Variants in UPF1 observed in about 807,000 individuals in gnomAD.
The protein encoded by UPF1 is regulator of nonsense transcripts 1.
In UPF1, 9 loss-of-function variants were observed where a neutral mutation model predicts 129.2. The ratio of observed to expected loss-of-function variants is 0.07; its 90% CI spans 0.04 to 0.12. The LOEUF is 0.12. Ranked by LOEUF, UPF1 falls within the 10% of genes least tolerant of loss-of-function variation. The pLI is 1.00. For missense variants in UPF1, 788 were observed against 1,525.3 expected, an observed-to-expected ratio of 0.52 and a Z score of 8.05; for synonymous variants, 649 against 644.9, an observed-to-expected ratio of 1.01 and a Z score of -0.10.
rs2055865309 is a variant in UPF1 at position 18,867,440 on chromosome 19, C to T, written c.*923C>T. Reference sequence around the variant, plus strand: ...GCGAGGGGCCTTGGCCAGGACTGGCCCTGTGGCCAGGAGGCGAGAAGGTGG... The same window carrying T: ...GCGAGGGGCCTTGGCCAGGACTGGCTCTGTGGCCAGGAGGCGAGAAGGTGG... On this transcript the variant is annotated 3_prime_UTR_variant, in exon 24 of 24. Transcript: ENST00000262803. The T allele has an allele frequency of 6.6e-6, 1 of 152,354 alleles. No individual in the cohort carries two copies. The highest frequency in any genetic ancestry group is 2.4e-5 in the African/African-American group (1 of 41,470). The allele number at this position is 152,354 out of a possible 1,614,324, so 9.4% of individuals were successfully genotyped here. A position where few individuals can be genotyped will look rare whatever the true frequency, so the allele number is the denominator to read the frequency against.
At position 18,856,319 on chromosome 19, in the gene UPF1, T is replaced by G; in HGVS notation, c.1824+19T>G. On this transcript the variant is annotated intron_variant, in intron 13 of 23. Coordinates refer to ENST00000262803, the MANE Select transcript of UPF1 (RefSeq NM_002911.4). ...GCTGATGGTGAGTGCCCCTCCTGCCTGCAAAAGGGCCTGTGGGCTGGCGGC... is the reference window on the plus strand; with the variant it reads ...GCTGATGGTGAGTGCCCCTCCTGCCGGCAAAAGGGCCTGTGGGCTGGCGGC... 1 of 1,578,948 alleles carries G rather than the reference T, an allele frequency of 6.3e-7. No homozygotes were observed. Among genetic ancestry groups the G allele is most frequent in the Non-Finnish European group, 8.7e-7 (1 of 1,153,642 alleles).
chr19:18,853,687 C>T lies in UPF1; in HGVS notation c.1156+337C>T, dbSNP rs901093328. 5.9e-5 allele frequency among the ~76,000 whole-genome samples: 9 copies of T among 152,314 alleles called. No homozygotes were observed. The highest frequency in any genetic ancestry group is 1.0e-4 in the Non-Finnish European group (7 of 68,028). On this transcript the variant is annotated intron_variant, in intron 8 of 23. Coordinates refer to ENST00000262803, the MANE Select transcript of UPF1 (RefSeq NM_002911.4). This position sits in a 1 kb window ranked among gnomAD's most constrained non-coding sequence, Gnocchi z 4.4. ...CTGGAGGTTAATGTGGCTGCAGGAG[C>T]GCCTTACCTGGACGCTGACTCTGCA... is the stretch of plus-strand genomic sequence containing the variant.
intron 2 of UPF1, 30 bp from the exon 3 acceptor site, chr19:18,847,714 G>T: frequency 6.2e-7 from 1 of 1,605,024 alleles, no homozygotes; most frequent in Middle Eastern, 1.7e-4. Flanking sequence ...CAAGCTTCCA[G>T]CTGTAACTGT....
Position 18,867,266 on chromosome 19 carries a change from T to G in UPF1, c.*749T>G, listed in dbSNP as rs1266399291. 1 of 152,240 alleles carries G rather than the reference T, an allele frequency of 6.6e-6. No homozygotes were observed. The highest frequency in any genetic ancestry group is 1.5e-5 in the Non-Finnish European group (1 of 68,036). The allele number at this position is 152,240 out of a possible 1,614,324, so 9.4% of individuals were successfully genotyped here. A position where few individuals can be genotyped will look rare whatever the true frequency, so the allele number is the denominator to read the frequency against. The stretch of plus-strand genomic sequence containing the variant: ...GTTGTTGGTTTTAGCTTCCAGTGGC[T>G]TCTTTCTGCGGGGCATCAGGCTGCT... On this transcript the variant is annotated 3_prime_UTR_variant, in exon 24 of 24. Transcript: ENST00000262803.
At chr19:18,861,900 C>T (rs2055784493) in intron 17 of UPF1, 110 bp from the exon 18 acceptor site, 7 of 1,447,700 alleles carry the variant, frequency 4.8e-6, no homozygotes, top group East Asian at 2.4e-5. Flanking sequence ...GGCGCCAGGC[C>T]CCAAGCTCCC....
chr19:18,855,367 C>T, intron 11 of UPF1, 125 bp downstream of exon 11: 1 of 1,023,678 alleles, frequency 9.8e-7, no homozygotes, highest in Admixed American at 2.5e-5. Context: ...GTAGTGTCGC[C>T]ATGGTGCCTA....
Position 18,860,873 on chromosome 19 carries a change from C to T in UPF1, c.2348C>T (p.Ala783Val). Residue 783 changes from alanine to valine, a missense_variant, in exon 17 of 24, where the codon GCA (alanine) becomes GTA (valine). By Grantham distance (64) the Ala-to-Val change is moderately conservative. Around this residue, in one of 6 missense-constraint regions of UPF1, gnomAD observed 140 missense variants for 385.9 expected, o/e 0.36. Transcript: ENST00000262803. ...VEKITTKLLK[A>V]GAKPDQIGII... Reference sequence around the variant, plus strand: ...AAGATCACCACGAAGTTGCTGAAGGCAGGCGCCAAGCCGGACCAGATTGGC... The same window carrying T: ...AAGATCACCACGAAGTTGCTGAAGGTAGGCGCCAAGCCGGACCAGATTGGC... 6.2e-7 allele frequency: 1 copy of T among 1,611,144 alleles called. No homozygotes were observed. Among genetic ancestry groups the T allele is most frequent in the Non-Finnish European group, 8.5e-7 (1 of 1,178,934 alleles).
intron 15 of UPF1, among the ~76,000 whole-genome samples, chr19:18,858,964 G>A (rs990493373): frequency 2.0e-5 from 3 of 152,244 alleles, no homozygotes; most frequent in Admixed American, 1.3e-4. Context: ...CTCCAAACCT[G>A]TGAGGTTGGT....
intron 6 of UPF1, 63 bp from the exon 7 acceptor site, chr19:18,852,924 G>T (rs1453199655): frequency 1.4e-6 from 2 of 1,413,122 alleles, no homozygotes; most frequent in African/African-American, 2.9e-5. Flanking sequence ...CCTCGGGCAT[G>T]TGGAGGCCAG....
At chr19:18,857,126 C>T (rs752077647) in intron 14 of UPF1, 106 bp downstream of exon 14, 84 of 1,528,056 alleles carry the variant, frequency 5.5e-5, no homozygotes, top group Non-Finnish European at 4.3e-5. Flanking sequence ...GCAGAGTGTG[C>T]GCACACTGGG....
At chr19:18,845,920 C>T in intron 1 of UPF1, 60 bp from the exon 2 acceptor site, 2 of 1,591,700 alleles carry the variant, frequency 1.3e-6, no homozygotes, top group African/African-American at 2.7e-5. Context: ...GAGGCTGGTT[C>T]TTCTGCACTG....
At chr19:18,861,893 G>C in intron 17 of UPF1, 117 bp from the exon 18 acceptor site, 1 of 1,395,958 alleles carries the variant, frequency 7.2e-7, no homozygotes, top group Non-Finnish European at 9.6e-7. Flanking sequence ...GTGAGCAGGC[G>C]CCAGGCCCCA....
chr19:18,855,201 G>A lies in UPF1; in HGVS notation c.1503G>A (p.Thr501=), dbSNP rs761195343. 1.2e-5 allele frequency: 19 copies of A among 1,612,958 alleles called. No homozygotes were observed. In the East Asian group the frequency reaches 2.7e-4, roughly 23 times the overall value. The change falls in exon 11 of 24, where the codon ACG becomes ACA. Residue 501 remains threonine (T), a synonymous_variant. Transcript: ENST00000262803. ...QGPPGTGKTV[T]SATIVYHLAR... ...CGCCAGGCACGGGGAAGACGGTGAC[G>A]TCGGCCACCATCGTCTACCACCTGG... is the stretch of plus-strand genomic sequence containing the variant.
At chr19:18,863,265 C>A in intron 18 of UPF1, 173 bp from the exon 19 acceptor site, 1 of 790,624 alleles carries the variant, frequency 1.3e-6, no homozygotes, top group Non-Finnish European at 2.0e-6. Flanking sequence ...GGGTCAGTGG[C>A]TTGGCATTGG....
intron 16 of UPF1, 54 bp from the exon 17 acceptor site, chr19:18,860,772 C>T: frequency 2.5e-6 from 4 of 1,601,974 alleles, no homozygotes; most frequent in South Asian, 1.1e-5. Context: ...CCTCCAGCCT[C>T]AGGGCTCGGG....
At chr19:18,837,059 C>A (rs1006172943) in intron 1 of UPF1, among the ~76,000 whole-genome samples, 1 of 151,958 alleles carries the variant, frequency 6.6e-6, no homozygotes, top group Admixed American at 6.6e-5. Flanking sequence ...GCCTGCCATA[C>A]TTTTTTTAAA....
chr19:18,861,795 T>C (rs2055782718), intron 17 of UPF1, among the ~76,000 whole-genome samples: 1 of 152,186 alleles, frequency 6.6e-6, no homozygotes, highest in Non-Finnish European at 1.5e-5. Flanking sequence ...ACCACTGTAC[T>C]CTAGCCTGGG....
In UPF1 at chr19:18,850,918, C is replaced by A. The variant is rs760567598; in HGVS notation, c.810+50C>A. On this transcript the variant is annotated intron_variant, in intron 5 of 23. Coordinates refer to ENST00000262803, the MANE Select transcript of UPF1 (RefSeq NM_002911.4). This position sits in a 1 kb window ranked among gnomAD's most constrained non-coding sequence, Gnocchi z 7.1. ...CGTGCCTTCGTGTGGTTTCTGGTTG[C>A]GGGGAGGGGAGTGTCTTCAGAGACG... is the stretch of plus-strand genomic sequence containing the variant. The A allele has an allele frequency of 1.2e-5, 17 of 1,475,528 alleles. No individual in the cohort carries two copies. The Admixed American group carries it at 4.2e-4, about 36-fold the overall frequency. The allele number at this position is 1,475,528 out of a possible 1,614,324, so 91.4% of individuals were successfully genotyped here. A position where few individuals can be genotyped will look rare whatever the true frequency, so the allele number is the denominator to read the frequency against.
intron 2 of UPF1, among the ~76,000 whole-genome samples, chr19:18,846,961 T>G (rs1879536160): frequency 6.6e-6 from 1 of 152,194 alleles, no homozygotes; most frequent in Non-Finnish European, 1.5e-5. Flanking sequence ...ACCACTGCAC[T>G]CCAGCCTGAG....
Sources: allele counts gnomAD v4.1 joint callset (sites outside exome capture counted in the v4.1 genomes callset), GRCh38; gene constraint gnomAD v4.1.1; regional missense constraint gnomAD v4.1.1; non-coding constraint Gnocchi (gnomAD v3.1); transcripts MANE v1.5; gene names NCBI Gene and HGNC (gene_info 2026-07-23, HGNC 2026-07-21).